Variants in SLC4A10 observed in about 807,000 individuals in gnomAD.
The protein encoded by SLC4A10 is solute carrier family 4 member 10.
A neutral mutation model predicts 137.7 loss-of-function variants in SLC4A10; 42 were observed. The observed-to-expected ratio is 0.30, with a 90% CI of 0.24 to 0.39. The LOEUF is 0.39. SLC4A10 is among the 10% of genes least tolerant of loss of function. The pLI, the probability that SLC4A10 is intolerant of heterozygous loss-of-function variation, is 1.00. For missense variants in SLC4A10, 925 were observed against 1,355.0 expected (o/e 0.68, Z 4.98); for synonymous variants, 474 against 464.1 (o/e 1.02, Z -0.27).
rs1223980424 is a variant in SLC4A10, at chr2:161,984,067, A to G, written c.*915A>G. ...CTTGTGGAATGCCACATGGTGAATC[A>G]TTGTATATGAAATTCCACTCCTGTA... On this transcript the variant is annotated 3_prime_UTR_variant, in exon 27 of 27. Transcript: ENST00000446997. 9 of 152,200 alleles carry G rather than the reference A, an allele frequency of 5.9e-5. No homozygotes were observed. Among genetic ancestry groups the G allele is most frequent in the African/African-American group, 2.2e-4 (9 of 41,456 alleles). 9.4% of individuals were successfully genotyped at this position (152,200 alleles called of 1,614,324 possible).
At chr2:161,854,933 A>G (rs1261249295) in intron 4 of SLC4A10, 37 bp from the exon 5 acceptor site, 25 of 1,565,290 alleles carry the variant, frequency 1.6e-5, no homozygotes, top group Admixed American at 3.8e-5. Flanking sequence ...AACCTACAAT[A>G]TAATATAAAC....
intron 1 of SLC4A10, among the ~76,000 whole-genome samples, chr2:161,733,126 A>T (rs2046980411): frequency 6.6e-6 from 1 of 152,216 alleles, no homozygotes; most frequent in Admixed American, 6.5e-5. Context: ...AGGCTGCATA[A>T]ATTTGCATAA....
chr2:161,972,473 A>G (rs1013678930), intron 23 of SLC4A10, among the ~76,000 whole-genome samples: 2 of 152,190 alleles, frequency 1.3e-5, no homozygotes, highest in African/African-American at 4.8e-5. Flanking sequence ...GAGTAATTTC[A>G]AACCAATGGT....
At chr2:161,781,919 T>C (rs1271691505) in intron 2 of SLC4A10, among the ~76,000 whole-genome samples, 1 of 151,796 alleles carries the variant, frequency 6.6e-6, no homozygotes, top group African/African-American at 2.4e-5. Flanking sequence ...GGGAAAAGAG[T>C]CTCAGCTCTC....
intron 1 of SLC4A10, among the ~76,000 whole-genome samples, chr2:161,661,713 A>AT (rs2038423101): frequency 6.6e-6 from 1 of 152,152 alleles, no homozygotes; most frequent in South Asian, 2.1e-4. Context: ...AATACTTTTT[A>AT]GGCTTTCTAT....
At chr2:161,950,034 T>A (rs1694519423) in intron 18 of SLC4A10, among the ~76,000 whole-genome samples, 1 of 151,960 alleles carries the variant, frequency 6.6e-6, no homozygotes, top group Non-Finnish European at 1.5e-5. Flanking sequence ...CTTGTCAGGA[T>A]GAAATTTTGA....
intron 1 of SLC4A10, among the ~76,000 whole-genome samples, chr2:161,660,577 T>TTTCTTTCTTTCTTTCTTTC (rs1558968910): frequency 7.8e-6 from 1 of 128,196 alleles, no homozygotes; most frequent in Non-Finnish European, 1.8e-5. Flanking sequence ...TCTTTCTTTC[T>TTTCTTTCTTTCTTTCTTTC]TTCTTTCTTT....
chr2:161,670,264 T>C (rs1357768903), intron 1 of SLC4A10, among the ~76,000 whole-genome samples: 5 of 149,498 alleles, frequency 3.3e-5, no homozygotes, highest in Non-Finnish European at 5.9e-5. Context: ...TTTTTTTCTC[T>C]TCCTTCCTCT....
intron 15 of SLC4A10, among the ~76,000 whole-genome samples, chr2:161,938,074 G>T (rs1691911811): frequency 6.6e-6 from 1 of 151,982 alleles, no homozygotes; most frequent in Non-Finnish European, 1.5e-5. Flanking sequence ...GGAGTTAGAG[G>T]CCAGCTGGCA....
At chr2:161,651,915 A>G (rs1366460561) in intron 1 of SLC4A10, among the ~76,000 whole-genome samples, 1 of 152,140 alleles carries the variant, frequency 6.6e-6, no homozygotes, top group African/African-American at 2.4e-5. Flanking sequence ...CCTGAGCAAT[A>G]CTCAGGCAGA....
At chr2:161,888,349 T>A (rs897687756) in intron 10 of SLC4A10, among the ~76,000 whole-genome samples, 2 of 152,202 alleles carry the variant, frequency 1.3e-5, no homozygotes, top group African/African-American at 4.8e-5. Context: ...GGTAGCTTGA[T>A]GGGGATAGCA....
chr2:161,771,587 A>G (rs559961103), intron 2 of SLC4A10, among the ~76,000 whole-genome samples: 5 of 151,780 alleles, frequency 3.3e-5, no homozygotes, highest in Non-Finnish European at 7.4e-5. Context: ...GCTGCCCCTT[A>G]TTTGTCATAG....
At position 161,769,347 on chromosome 2, in the gene SLC4A10, G is replaced by C. The variant is rs370948093; in HGVS notation, c.49-1626G>C. Reference sequence around the variant, plus strand: ...ATTGGAAACATCTTGCAGTTATTTGGAATGTAGCTCAACTCCTTGTGGGTC... The same window carrying C: ...ATTGGAAACATCTTGCAGTTATTTGCAATGTAGCTCAACTCCTTGTGGGTC... On this transcript the variant is annotated intron_variant, in intron 1 of 26. Coordinates refer to ENST00000446997, the MANE Select transcript of SLC4A10 (RefSeq NM_001178015.2). 9.2e-5 allele frequency among the ~76,000 whole-genome samples: 14 copies of C among 152,006 alleles called. 1 individual carries two copies. The East Asian group carries it at 1.6e-3, about 17-fold the overall frequency.
At chr2:161,954,690 C>T (rs1224136592) in intron 19 of SLC4A10, among the ~76,000 whole-genome samples, 1 of 152,122 alleles carries the variant, frequency 6.6e-6, no homozygotes, top group Non-Finnish European at 1.5e-5. Flanking sequence ...AATCAAGATG[C>T]TGCCATTGTT....
At position 161,679,276 on chromosome 2, in the gene SLC4A10, T is replaced by C. The variant is rs558122647; in HGVS notation, c.48+54710T>C. On this transcript the variant is annotated intron_variant, in intron 1 of 26. Coordinates refer to ENST00000446997, the MANE Select transcript of SLC4A10 (RefSeq NM_001178015.2). ...GTTTAATGTGTGCAAATGCACTTAT[T>C]GCTGGCCCATAGTCTAAGGTAATAA... Among the ~76,000 whole-genome samples, 3 of 152,300 alleles carry C rather than the reference T, an allele frequency of 2.0e-5. No individual in the cohort carries two copies. The South Asian group carries it at 6.2e-4, about 32-fold the overall frequency.
intron 19 of SLC4A10, among the ~76,000 whole-genome samples, chr2:161,953,984 TA>T (rs754366040): frequency 1.6e-4 from 24 of 152,172 alleles, no homozygotes; most frequent in Non-Finnish European, 2.9e-4. Context: ...AAAAGAGAGA[TA>T]AAATCTTATA....
intron 10 of SLC4A10, among the ~76,000 whole-genome samples, chr2:161,888,276 C>G (rs1169244446): frequency 6.6e-6 from 1 of 152,098 alleles, no homozygotes; most frequent in East Asian, 1.9e-4. Flanking sequence ...GCCATACAGG[C>G]TCTATTTTTG....
chr2:161,744,251 T>A (rs1347552068), intron 1 of SLC4A10, among the ~76,000 whole-genome samples: 1 of 152,166 alleles, frequency 6.6e-6, no homozygotes, highest in Non-Finnish European at 1.5e-5. Context: ...TGTAGTATGA[T>A]ACTAGATGTG....
intron 1 of SLC4A10, among the ~76,000 whole-genome samples, chr2:161,641,213 A>C (rs533812537): frequency 7.9e-5 from 12 of 152,122 alleles, no homozygotes; most frequent in Admixed American, 2.6e-4. Flanking sequence ...AGACAGAGAC[A>C]CTTGTTTTTA....
Sources: gnomAD v4.1 joint callset for allele counts (sites outside exome capture counted in the v4.1 genomes callset) on GRCh38, gnomAD v4.1.1 for gene constraint, MANE v1.5 for transcripts, NCBI Gene and HGNC (gene_info 2026-07-23, HGNC 2026-07-21) for gene names.